The following ITGA2 variants were observed in gnomAD, a reference collection of about 807,000 sequenced individuals.
The protein encoded by ITGA2 is integrin subunit alpha 2, also known as integrin alpha-2.
Under a neutral mutation model 146.3 loss-of-function variants are expected in ITGA2, and 101 were observed. The ratio of observed to expected loss-of-function variants is 0.69; its 90% CI spans 0.59 to 0.81. ITGA2 has a LOEUF of 0.81. Ranked by LOEUF, ITGA2 falls within the 40% of genes least tolerant of loss-of-function variation. The pLI is 0.00. For missense variants in ITGA2, 1,281 were observed against 1,402.7 expected (o/e 0.91, Z 1.39); for synonymous variants, 477 against 487.1 (o/e 0.98, Z 0.27).
rs1491004253 is a variant in ITGA2, at chr5:53,042,133, G to T, written c.207G>T (p.Trp69Cys). ...CTAGGTTACTGGTTGGTTCACCCTG[G>T]AGTGGCTTTCCTGAGAACCGAATGG... is the stretch of plus-strand genomic sequence containing the variant. Reference protein sequence around the residue: ...KGNWLLVGSPWSGFPENRMGD... With the variant: ...KGNWLLVGSPCSGFPENRMGD... The change falls in exon 3 of 30, where the codon TGG (tryptophan) becomes TGT (cysteine). Residue 69 changes from tryptophan (W) to cysteine (C), a missense_variant. By Grantham distance (215) the Trp-to-Cys change is radical. Around this residue, in one of 3 missense-constraint regions of ITGA2, gnomAD observed 795 missense variants for 841.7 expected, o/e 0.94. Transcript: ENST00000296585. 1.9e-6 allele frequency: 3 copies of T among 1,612,592 alleles called. No homozygotes were observed. The highest frequency in any genetic ancestry group is 2.5e-6 in the Non-Finnish European group (3 of 1,178,684).
intron 21 of ITGA2, among the ~76,000 whole-genome samples, chr5:53,074,780 T>C (rs562853593): frequency 6.6e-5 from 10 of 151,994 alleles, no homozygotes; most frequent in Non-Finnish European, 1.5e-4. Context: ...TAACCCCTAG[T>C]AACAAGTTTC....
intron 3 of ITGA2, 66 bp from the exon 4 acceptor site, chr5:53,044,930 GTTTTC>G: frequency 8.9e-7 from 1 of 1,120,982 alleles, no homozygotes; most frequent in South Asian, 1.3e-5. Flanking sequence ...GGGTGTGCCT[GTTTTC>G]TTTTAATATC....
intron 3 of ITGA2, among the ~76,000 whole-genome samples, chr5:53,044,352 A>G (rs1161919031): frequency 1.3e-5 from 2 of 149,910 alleles, no homozygotes; most frequent in Non-Finnish European, 3.0e-5. Flanking sequence ...TAAGGGAAGG[A>G]ATCCAATTAA....
Position 53,048,433 on chromosome 5 carries a change from G to A in ITGA2, c.458G>A (p.Ser153Asn), listed in dbSNP as rs1744194832. The change falls in exon 5 of 30, where the codon AGT becomes AAT. Residue 153 changes from serine to asparagine, a missense_variant. By Grantham distance (46) the Ser-to-Asn change is conservative. Around this residue, in one of 3 missense-constraint regions of ITGA2, gnomAD observed 795 missense variants for 841.7 expected, o/e 0.94. Coordinates refer to ENST00000296585, the MANE Select transcript of ITGA2 (RefSeq NM_002203.4). The part of the protein sequence containing the change: ...YYTTGVCSDI[S>N]PDFQLSASFS... ...ACAACGGGTGTGTGTTCTGACATCAGTCCTGATTTTCAGCTCTCAGCCAGC... is the reference window on the plus strand; with the variant it reads ...ACAACGGGTGTGTGTTCTGACATCAATCCTGATTTTCAGCTCTCAGCCAGC... 3.7e-6 allele frequency: 6 copies of A among 1,613,978 alleles called. No homozygotes were observed. Among genetic ancestry groups the A allele is most frequent in the Non-Finnish European group, 5.1e-6 (6 of 1,179,992 alleles).
chr5:53,073,096 C>A (rs1240445174), intron 19 of ITGA2, 22 bp from the exon 20 acceptor site: 1 of 1,610,012 alleles, frequency 6.2e-7, no homozygotes, highest in East Asian at 2.2e-5. Flanking sequence ...GGCTTTTCCC[C>A]CCTCCTTTTT....
chr5:53,075,201 CCTAATGTTTCTTT>C lies in ITGA2; in HGVS notation c.2742-16_2742-4del, dbSNP rs1745604473. The C allele has an allele frequency of 6.2e-7, 1 of 1,610,310 alleles. No homozygotes were observed. Among genetic ancestry groups the C allele is most frequent in the African/African-American group, 1.3e-5 (1 of 74,726 alleles). On this transcript the variant is annotated splice_polypyrimidine_tract_variant and splice_region_variant and intron_variant, in intron 22 of 29. Coordinates refer to ENST00000296585, the MANE Select transcript of ITGA2 (RefSeq NM_002203.4). ...CTTTGTATTTCTCTTTAAGTAATTT[CCTAATGTTTCTTT>C]CTATAGTGAAAGCCAAGAAGAAAAC...
chr5:53,086,858 C>T, intron 27 of ITGA2, 94 bp from the exon 28 acceptor site: 1 of 1,015,906 alleles, frequency 9.8e-7, no homozygotes, highest in Non-Finnish European at 1.5e-6. Flanking sequence ...TTGTCACATT[C>T]CACCAGGAAA....
At chr5:53,036,430 A>G (rs1743496238) in intron 2 of ITGA2, among the ~76,000 whole-genome samples, 1 of 152,170 alleles carries the variant, frequency 6.6e-6, no homozygotes, top group African/African-American at 2.4e-5. Context: ...TAGGACTACC[A>G]TCTCCTTCCA....
chr5:52,991,970 A>G (rs1421384268), intron 1 of ITGA2, among the ~76,000 whole-genome samples: 3 of 149,266 alleles, frequency 2.0e-5, no homozygotes, highest in Non-Finnish European at 4.5e-5. Flanking sequence ...TATTTTCTCC[A>G]GTATGTTCAC....
chr5:53,031,271 G>A (rs530594305), intron 2 of ITGA2, among the ~76,000 whole-genome samples: 2 of 152,348 alleles, frequency 1.3e-5, no homozygotes, highest in East Asian at 1.9e-4. Context: ...CAAATTGCGA[G>A]TTCTTTTTCC....
chr5:53,033,912 C>A (rs1365690733), intron 2 of ITGA2, among the ~76,000 whole-genome samples: 1 of 152,080 alleles, frequency 6.6e-6, no homozygotes, highest in East Asian at 1.9e-4. Flanking sequence ...TACAAGCGCC[C>A]ACCACCATGC....
At chr5:53,082,556 T>A (rs2112029036) in intron 26 of ITGA2, among the ~76,000 whole-genome samples, 1 of 152,270 alleles carries the variant, frequency 6.6e-6, no homozygotes, top group Middle Eastern at 3.4e-3. Flanking sequence ...CATGGAAGAA[T>A]TGAGTGGAAA....
chr5:53,020,499 CAG>C (rs1223675786), intron 1 of ITGA2, among the ~76,000 whole-genome samples: 2 of 152,054 alleles, frequency 1.3e-5, no homozygotes, highest in Admixed American at 6.5e-5. Context: ...CCCAATGGGC[CAG>C]AGTTTCCTTT....
At chr5:53,087,157 ACTTT>A in intron 28 of ITGA2, 116 bp downstream of exon 28, 1 of 767,486 alleles carries the variant, frequency 1.3e-6, no homozygotes, top group South Asian at 1.5e-5. Flanking sequence ...TCTTACTAAA[ACTTT>A]AAAGATCTGA....
intron 2 of ITGA2, among the ~76,000 whole-genome samples, chr5:53,035,943 C>T (rs1180378640): frequency 6.6e-6 from 1 of 152,128 alleles, no homozygotes; most frequent in Non-Finnish European, 1.5e-5. Flanking sequence ...CTCCCCCTAT[C>T]GCAAAATCTT....
chr5:53,090,595 G>T lies in ITGA2; in HGVS notation c.3542G>T (p.Ser1181Ile), dbSNP rs750631449. 1.9e-6 allele frequency: 3 copies of T among 1,613,632 alleles called. No individual in the cohort carries two copies. The highest frequency in any genetic ancestry group is 2.5e-6 in the Non-Finnish European group (3 of 1,179,580). ...DEIDETTELS[S>I] is the part of the protein sequence containing the mutation. Reference sequence around the variant, plus strand: ...ATTGATGAGACCACAGAGCTCAGTAGCTGAACCAGCAGACCTACCTGCAGT... The same window carrying T: ...ATTGATGAGACCACAGAGCTCAGTATCTGAACCAGCAGACCTACCTGCAGT... The change falls in exon 30 of 30, where the codon AGC becomes ATC. Residue 1181 changes from serine to isoleucine, a missense_variant. This residue lies in a region of ITGA2 where 475 missense variants were observed against 530.5 expected (regional missense o/e 0.90). Transcript: ENST00000296585.
intron 27 of ITGA2, among the ~76,000 whole-genome samples, chr5:53,086,216 GCT>G (rs1746152005): frequency 6.6e-6 from 1 of 152,088 alleles, no homozygotes; most frequent in Non-Finnish European, 1.5e-5. Flanking sequence ...TGAAAACTAG[GCT>G]CTTTTTCTGT....
At chr5:53,015,213 A>G (rs1742343929) in intron 1 of ITGA2, among the ~76,000 whole-genome samples, 1 of 152,024 alleles carries the variant, frequency 6.6e-6, no homozygotes. Flanking sequence ...GATCTTTCTA[A>G]CTTTTTCATG....
chr5:53,050,679 TC>T (rs1273331475), intron 6 of ITGA2, among the ~76,000 whole-genome samples: 1 of 152,198 alleles, frequency 6.6e-6, no homozygotes, highest in African/African-American at 2.4e-5. Flanking sequence ...GAGGATGATC[TC>T]AATGCCTGCA....
Sources: allele counts gnomAD v4.1 joint callset (sites outside exome capture counted in the v4.1 genomes callset), GRCh38; gene constraint gnomAD v4.1.1; regional missense constraint gnomAD v4.1.1; transcripts MANE v1.5; gene names NCBI Gene and HGNC (gene_info 2026-07-23, HGNC 2026-07-21).